NECAB1: variants seen among roughly 807,000 people sequenced by gnomAD.
NECAB1 encodes the protein N-terminal EF-hand calcium binding protein 1.
In NECAB1, 29 loss-of-function variants were observed where a neutral mutation model predicts 57.5. The ratio of observed to expected loss-of-function variants is 0.50; its 90% CI spans 0.38 to 0.69. The LOEUF (loss-of-function observed/expected upper bound fraction) is 0.69, where lower values mean the gene tolerates loss of function less well. Ranked by LOEUF, NECAB1 falls within the 30% of genes least tolerant of loss-of-function variation. The probability of loss-of-function intolerance (pLI) is 0.00; values close to 1 mark genes in which losing one functional copy is unlikely to be tolerated. For missense variants in NECAB1, 372 were observed against 413.8 expected, an observed-to-expected ratio of 0.90 and a Z score of 0.88; for synonymous variants, 142 against 147.7, an observed-to-expected ratio of 0.96 and a Z score of 0.28.
chr8:90,831,160 T>C (rs939658602), intron 3 of NECAB1, among the ~76,000 whole-genome samples: 1 of 152,150 alleles, frequency 6.6e-6, no homozygotes, highest in Non-Finnish European at 1.5e-5. Context: ...TCAAGGTTCA[T>C]ATTGCCACTG....
At position 90,820,032 on chromosome 8, in the gene NECAB1, C is replaced by G. The variant is rs1033356229; in HGVS notation, c.125-4685C>G. Among the ~76,000 whole-genome samples, 5 of 151,950 alleles carry G rather than the reference C, an allele frequency of 3.3e-5. No homozygotes were observed. In the East Asian group the frequency reaches 9.7e-4, roughly 29 times the overall value. On this transcript the variant is annotated intron_variant, in intron 2 of 12. Transcript: ENST00000417640. ...TGCACCCCCAGCAGTTTCTCCCTCT[C>G]ATGCTCATCCACAATCAGCCTCCAG... is the stretch of plus-strand genomic sequence containing the variant.
At chr8:90,875,711 A>T (rs1808711595) in intron 4 of NECAB1, among the ~76,000 whole-genome samples, 1 of 150,498 alleles carries the variant, frequency 6.6e-6, no homozygotes, top group Non-Finnish European at 1.5e-5. Context: ...AATAAGATGG[A>T]TAAAAACTGA....
At chr8:90,811,602 A>G (rs1227558085) in intron 2 of NECAB1, among the ~76,000 whole-genome samples, 2 of 152,346 alleles carry the variant, frequency 1.3e-5, no homozygotes, top group Non-Finnish European at 2.9e-5. Context: ...GTTGGCTCCT[A>G]TAATTGAAAA....
chr8:90,843,225 C>G (rs1182280216), intron 3 of NECAB1, among the ~76,000 whole-genome samples: 1 of 152,188 alleles, frequency 6.6e-6, no homozygotes, highest in Non-Finnish European at 1.5e-5. Context: ...CCCACTGGAT[C>G]CCTCCCATAG....
chr8:90,933,741 C>T (rs1586138917), intron 8 of NECAB1, among the ~76,000 whole-genome samples: 1 of 151,514 alleles, frequency 6.6e-6, no homozygotes, highest in Non-Finnish European at 1.5e-5. Flanking sequence ...AAAAAAAAAA[C>T]TTTTTTTTAA....
At chr8:90,854,320 GT>G (rs1240460609) in intron 3 of NECAB1, among the ~76,000 whole-genome samples, 5 of 152,120 alleles carry the variant, frequency 3.3e-5, no homozygotes, top group Non-Finnish European at 4.4e-5. Flanking sequence ...AAAACGCTAT[GT>G]CTGTAATTGA....
At chr8:90,835,692 C>T (rs1218881456) in intron 3 of NECAB1, among the ~76,000 whole-genome samples, 1 of 152,034 alleles carries the variant, frequency 6.6e-6, no homozygotes, top group Admixed American at 6.6e-5. Context: ...GTTATGTTTG[C>T]TAATTGTTTC....
At chr8:90,871,191 C>A (rs911504319) in intron 3 of NECAB1, among the ~76,000 whole-genome samples, 4 of 152,094 alleles carry the variant, frequency 2.6e-5, no homozygotes, top group African/African-American at 9.7e-5. Flanking sequence ...ACTAATTTTC[C>A]ATTGCTCTTT....
chr8:90,930,884 G>T (rs1363635135), intron 8 of NECAB1, among the ~76,000 whole-genome samples: 1 of 152,124 alleles, frequency 6.6e-6, no homozygotes, highest in Non-Finnish European at 1.5e-5. Flanking sequence ...GGATTCATTT[G>T]CTAAATAAGT....
intron 3 of NECAB1, among the ~76,000 whole-genome samples, chr8:90,857,636 A>C (rs918249553): frequency 1.3e-5 from 2 of 152,170 alleles, no homozygotes; most frequent in Non-Finnish European, 2.9e-5. Flanking sequence ...AAAAGAAATC[A>C]AATTTAACAT....
At chr8:90,807,361 G>A (rs902494696) in intron 2 of NECAB1, among the ~76,000 whole-genome samples, 5 of 152,152 alleles carry the variant, frequency 3.3e-5, no homozygotes, top group African/African-American at 4.8e-5. Flanking sequence ...CTAAAGTTTG[G>A]TTTATTCTAT....
chr8:90,893,910 T>C (rs1195166618), intron 5 of NECAB1, among the ~76,000 whole-genome samples: 1 of 152,214 alleles, frequency 6.6e-6, no homozygotes, highest in Non-Finnish European at 1.5e-5. Flanking sequence ...TTTCTTCAGT[T>C]CATTATGTTG....
At chr8:90,862,861 C>T (rs971545474) in intron 3 of NECAB1, among the ~76,000 whole-genome samples, 2 of 102,796 alleles carry the variant, frequency 1.9e-5, no homozygotes, top group Non-Finnish European at 3.8e-5. Flanking sequence ...CCAGAAAACT[C>T]GCTATGAGTA....
chr8:90,956,275 T>C lies in NECAB1; in HGVS notation c.*763T>C, dbSNP rs1343955370. 3 of 152,048 alleles carry C rather than the reference T, an allele frequency of 2.0e-5. No homozygotes were observed. The East Asian group carries it at 5.8e-4, about 29-fold the overall frequency. The allele number at this position is 152,048 out of a possible 1,614,324, so 9.4% of individuals were successfully genotyped here. A position where few individuals can be genotyped will look rare whatever the true frequency, so the allele number is the denominator to read the frequency against. On this transcript the variant is annotated 3_prime_UTR_variant, in exon 13 of 13. Coordinates refer to ENST00000417640, the MANE Select transcript of NECAB1 (RefSeq NM_022351.5). ...AATGTGGTTCAAGTTTTATGCTATA[T>C]AGTTTTGGTATGCGATACAGACAGC... is the stretch of plus-strand genomic sequence containing the variant.
At chr8:90,955,116 A>T (rs1022366182) in intron 12 of NECAB1, among the ~76,000 whole-genome samples, 27 of 82,886 alleles carry the variant, frequency 3.3e-4, no homozygotes, top group African/African-American at 2.2e-3. Flanking sequence ...TATAAATTAT[A>T]TATATATATA....
intron 5 of NECAB1, among the ~76,000 whole-genome samples, chr8:90,892,038 C>A (rs976659555): frequency 6.6e-6 from 1 of 152,104 alleles, no homozygotes; most frequent in East Asian, 1.9e-4. Context: ...TTTATCCAAA[C>A]ATAGCAGCTA....
intron 5 of NECAB1, among the ~76,000 whole-genome samples, chr8:90,913,964 C>T (rs980464568): frequency 3.9e-5 from 6 of 152,278 alleles, no homozygotes; most frequent in African/African-American, 1.2e-4. Flanking sequence ...CTGGGCAAGT[C>T]GGGTGGTAAT....
chr8:90,861,462 G>C (rs1321093069), intron 3 of NECAB1, among the ~76,000 whole-genome samples: 1 of 152,104 alleles, frequency 6.6e-6, no homozygotes, highest in Non-Finnish European at 1.5e-5. Flanking sequence ...ATTATCACGA[G>C]AAATGGAATA....
rs1811047100 is a variant in NECAB1 at position 90,957,161 on chromosome 8, C to T, written c.*1649C>T. The T allele has an allele frequency of 6.6e-6, 1 of 151,954 alleles. No individual in the cohort carries two copies. Among genetic ancestry groups the T allele is most frequent in the African/African-American group, 2.4e-5 (1 of 41,398 alleles). 9.4% of individuals were successfully genotyped at this position (151,954 alleles called of 1,614,324 possible). A position where few individuals can be genotyped will look rare whatever the true frequency, so the allele number is the denominator to read the frequency against. ...ACAGACACATAACAGTCTCTGCAGA[C>T]TGATTGTATATAGTAAGAAAAGATC... On this transcript the variant is annotated 3_prime_UTR_variant, in exon 13 of 13. Coordinates refer to ENST00000417640, the MANE Select transcript of NECAB1 (RefSeq NM_022351.5).
Sources: gnomAD v4.1 joint callset for allele counts (sites outside exome capture counted in the v4.1 genomes callset) on GRCh38, gnomAD v4.1.1 for gene constraint, MANE v1.5 for transcripts, NCBI Gene and HGNC (gene_info 2026-07-23, HGNC 2026-07-21) for gene names.